The following KCNQ4 variants were observed in gnomAD, a reference collection of about 807,000 sequenced individuals.
The protein encoded by KCNQ4 is potassium voltage-gated channel subfamily Q member 4, also known as potassium voltage-gated channel subfamily KQT member 4.
Under a neutral mutation model 72.6 loss-of-function variants are expected in KCNQ4, and 31 were observed. The ratio of observed to expected loss-of-function variants is 0.43; its 90% CI spans 0.32 to 0.58. KCNQ4 has a LOEUF of 0.58. Ranked by LOEUF, KCNQ4 falls within the 20% of genes least tolerant of loss-of-function variation. The pLI, the probability that KCNQ4 is intolerant of heterozygous loss-of-function variation, is 0.08. For synonymous variants in KCNQ4, 405 were observed against 403.7 expected (o/e 1.00, Z -0.04); for missense variants, 869 against 962.6 (o/e 0.90, Z 1.29).
chr1:40,810,609 G>C (rs536667691), intron 1 of KCNQ4, among the ~76,000 whole-genome samples: 3 of 152,286 alleles, frequency 2.0e-5, no homozygotes, highest in East Asian at 3.9e-4. Context: ...CCTCCCAGCA[G>C]CTGTCCCTCC....
rs1557988424 is a variant in KCNQ4, at chr1:40,794,515, A to T, written c.314+10108A>T. On this transcript the variant is annotated intron_variant, in intron 1 of 13. Coordinates refer to ENST00000347132, the MANE Select transcript of KCNQ4 (RefSeq NM_004700.4). The surrounding 1 kb of genome is among the most constrained non-coding windows in gnomAD (Gnocchi z 4.2). ...TGTGGTCGAGTCAAGACTCAAACCC[A>T]TGTCGGCATCAGGGCCAAGCCCGAG... Among the ~76,000 whole-genome samples the T allele has an allele frequency of 6.6e-6, 1 of 152,224 alleles. No individual in the cohort carries two copies. Among genetic ancestry groups the T allele is most frequent in the South Asian group, 2.1e-4 (1 of 4,834 alleles).
intron 9 of KCNQ4, 36 bp downstream of exon 9, chr1:40,824,294 TCTC>T (rs746147843): frequency 1.3e-6 from 2 of 1,588,636 alleles, no homozygotes; most frequent in South Asian, 2.3e-5. Flanking sequence ...TCCTCTTGCT[TCTC>T]CTCCTCTTCT....
Position 40,838,209 on chromosome 1 carries a change from G to T in KCNQ4, c.1876-102G>T, listed in dbSNP as rs575843940. 22 of 991,008 alleles carry T rather than the reference G, an allele frequency of 2.2e-5. No individual in the cohort carries two copies. The African/African-American group carries it at 3.1e-4, about 14-fold the overall frequency. 61.4% of individuals were successfully genotyped at this position (991,008 alleles called of 1,614,324 possible). On this transcript the variant is annotated intron_variant, in intron 13 of 13. Coordinates refer to ENST00000347132, the MANE Select transcript of KCNQ4 (RefSeq NM_004700.4). The stretch of plus-strand genomic sequence containing the variant: ...GATTTGTGCTTCCCAGATAAGCCCC[G>T]CCCACTCCACCGGCTAGGGTCCGCC...
rs59037556 is a variant in KCNQ4 at position 40,831,340 on chromosome 1, G to A, written c.1513+36G>A. 1.9e-3 allele frequency: 2,909 copies of A among 1,522,688 alleles called. 47 individuals carry two copies. The African/African-American group carries it at 0.034, about 18-fold the overall frequency. 94.3% of individuals were successfully genotyped at this position (1,522,688 alleles called of 1,614,324 possible). On this transcript the variant is annotated intron_variant, in intron 10 of 13. Transcript: ENST00000347132. ...GGGGGGCTGAGTCCGATCGAGGGCCGGCTGAGGGTGGCAGGGCGGGGACAG... is the reference window on the plus strand; with the variant it reads ...GGGGGGCTGAGTCCGATCGAGGGCCAGCTGAGGGTGGCAGGGCGGGGACAG...
At chr1:40,805,161 A>G (rs1206706983) in intron 1 of KCNQ4, 1 of 69,708 alleles carries the variant, frequency 1.4e-5, no homozygotes. Flanking sequence ...AAATAAACAA[A>G]ACAAACAAAC....
intron 7 of KCNQ4, 93 bp downstream of exon 7, chr1:40,820,353 C>A: frequency 2.9e-6 from 3 of 1,052,484 alleles, no homozygotes; most frequent in Non-Finnish European, 4.3e-6. Flanking sequence ...CCCAGCCCAA[C>A]TGTGACACCA....
chr1:40,818,835 A>C, intron 4 of KCNQ4, 155 bp downstream of exon 4: 8 of 743,762 alleles, frequency 1.1e-5, no homozygotes, highest in Non-Finnish European at 1.1e-5. Flanking sequence ...GCGAGGTCTA[A>C]GCGGGTGGGG....
At chr1:40,785,076 C>G (rs1264396392) in intron 1 of KCNQ4, among the ~76,000 whole-genome samples, 2 of 152,176 alleles carry the variant, frequency 1.3e-5, no homozygotes, top group Admixed American at 6.5e-5. Context: ...ACCCTGCCGG[C>G]TTGGCCCAGC....
At position 40,820,000 on chromosome 1, in the gene KCNQ4, G is replaced by A; in HGVS notation, c.945+15G>A. On this transcript the variant is annotated intron_variant, in intron 6 of 13. Transcript: ENST00000347132. ...CCCTGCCTGCCGTGAGTTGCCTCCT[G>A]CTCAGTTGGTGGGGGAGGCTGAGGG... is the stretch of plus-strand genomic sequence containing the variant. 6.2e-7 allele frequency: 1 copy of A among 1,604,012 alleles called. No individual in the cohort carries two copies. The highest frequency in any genetic ancestry group is 8.5e-7 in the Non-Finnish European group (1 of 1,170,818).
intron 1 of KCNQ4, among the ~76,000 whole-genome samples, chr1:40,785,893 A>G (rs1402447495): frequency 6.6e-6 from 1 of 152,032 alleles, no homozygotes; most frequent in Non-Finnish European, 1.5e-5. Context: ...TGGGGGTGGC[A>G]ACCTTGACTC....
intron 1 of KCNQ4, among the ~76,000 whole-genome samples, chr1:40,792,044 G>A (rs1170038233): frequency 6.9e-6 from 1 of 144,750 alleles, no homozygotes; most frequent in African/African-American, 2.5e-5. Flanking sequence ...TGTGGGTCGG[G>A]GGTGGGGTAG....
chr1:40,838,603 C>T lies in KCNQ4; in HGVS notation c.*80C>T, dbSNP rs1002381263. ...ACTGCCCTCTGAGGCCTCCGGACTC[C>T]TCTCGTACTTGAACTCACTCCCTCA... is the stretch of plus-strand genomic sequence containing the variant. On this transcript the variant is annotated 3_prime_UTR_variant, in exon 14 of 14. Transcript: ENST00000347132. 1.5e-6 allele frequency: 2 copies of T among 1,299,858 alleles called. No homozygotes were observed. Among genetic ancestry groups the T allele is most frequent in the African/African-American group, 1.5e-5 (1 of 68,460 alleles). The allele number at this position is 1,299,858 out of a possible 1,614,324, so 80.5% of individuals were successfully genotyped here. A position where few individuals can be genotyped will look rare whatever the true frequency, so the allele number is the denominator to read the frequency against.
intron 10 of KCNQ4, among the ~76,000 whole-genome samples, chr1:40,832,012 C>G (rs1286029394): frequency 6.6e-6 from 1 of 152,262 alleles, no homozygotes; most frequent in East Asian, 1.9e-4. Flanking sequence ...GCCCAGGCTG[C>G]AAGTATGAGA....
intron 9 of KCNQ4, among the ~76,000 whole-genome samples, chr1:40,825,864 C>G (rs1029923383): frequency 2.0e-5 from 3 of 152,122 alleles, no homozygotes; most frequent in African/African-American, 7.2e-5. Flanking sequence ...TGTACACTCC[C>G]CACGGCTCCT....
At chr1:40,801,581 T>A (rs1647575120) in intron 1 of KCNQ4, among the ~76,000 whole-genome samples, 1 of 152,346 alleles carries the variant, frequency 6.6e-6, no homozygotes, top group Non-Finnish European at 1.5e-5. Context: ...CCTGCATTCA[T>A]GGAGCTTACA....
intron 1 of KCNQ4, among the ~76,000 whole-genome samples, chr1:40,787,346 G>A (rs917420327): frequency 5.3e-5 from 8 of 152,176 alleles, no homozygotes; most frequent in African/African-American, 1.9e-4. Context: ...TCCAGCCTGA[G>A]TGACAGGATG....
chr1:40,832,193 C>G (rs1648671407), intron 10 of KCNQ4, among the ~76,000 whole-genome samples: 1 of 152,184 alleles, frequency 6.6e-6, no homozygotes. Context: ...TACTTTAGGC[C>G]CCTGGGTGGG....
chr1:40,789,409 T>C (rs1317662894), intron 1 of KCNQ4, among the ~76,000 whole-genome samples: 1 of 152,194 alleles, frequency 6.6e-6, no homozygotes, highest in African/African-American at 2.4e-5. Flanking sequence ...CTCTAAGAAC[T>C]TTGCCCTTGT....
At chr1:40,818,479 T>C in intron 3 of KCNQ4, 26 bp from the exon 4 acceptor site, 1 of 1,598,522 alleles carries the variant, frequency 6.3e-7, no homozygotes, top group Non-Finnish European at 8.5e-7. Flanking sequence ...AGGCTGGCTG[T>C]GATCTCGCCG....
Sources: allele counts gnomAD v4.1 joint callset (sites outside exome capture counted in the v4.1 genomes callset), GRCh38; gene constraint gnomAD v4.1.1; non-coding constraint Gnocchi (gnomAD v3.1); transcripts MANE v1.5; gene names NCBI Gene and HGNC (gene_info 2026-07-23, HGNC 2026-07-21).